TCF12: variants seen among roughly 807,000 people sequenced by gnomAD.
The protein encoded by TCF12 is transcription factor 12.
Under a neutral mutation model 86.0 loss-of-function variants are expected in TCF12, and 45 were observed. That is an observed-to-expected ratio of 0.52 (90% CI 0.41 to 0.67). TCF12 has a LOEUF of 0.67. Ranked by LOEUF, TCF12 falls within the 30% of genes least tolerant of loss-of-function variation. TCF12 has a pLI of 0.00. For missense variants in TCF12, 881 were observed against 859.9 expected (o/e 1.02, Z -0.31); for synonymous variants, 330 against 299.6 (o/e 1.10, Z -1.05).
intron 8 of TCF12, among the ~76,000 whole-genome samples, chr15:57,223,229 A>G (rs756397888): frequency 6.6e-6 from 1 of 152,006 alleles, no homozygotes; most frequent in East Asian, 1.9e-4. Flanking sequence ...ACCCAGGTCT[A>G]TCTGTCCCCC....
chr15:57,263,281 G>A lies in TCF12; in HGVS notation c.1745+7G>A. ...CATCTAGAGGCAGAACAAGGTATTT[G>A]TTAGCATCCAGGTTTTAAATTTTAT... On this transcript the variant is annotated splice_region_variant and intron_variant, in intron 18 of 20. Coordinates refer to ENST00000333725, the MANE Select transcript of TCF12 (RefSeq NM_207037.2). The A allele has an allele frequency of 6.3e-7, 1 of 1,599,212 alleles. No individual in the cohort carries two copies. Among genetic ancestry groups the A allele is most frequent in the Non-Finnish European group, 8.5e-7 (1 of 1,176,888 alleles).
At chr15:57,148,640 G>A (rs934947450) in intron 5 of TCF12, among the ~76,000 whole-genome samples, 1 of 151,602 alleles carries the variant, frequency 6.6e-6, no homozygotes, top group African/African-American at 2.4e-5. Flanking sequence ...CCAACACTTG[G>A]GAGGCTGAGG....
At chr15:57,228,142 C>T (rs2058973451) in intron 8 of TCF12, among the ~76,000 whole-genome samples, 2 of 152,042 alleles carry the variant, frequency 1.3e-5, no homozygotes, top group African/African-American at 4.8e-5. Context: ...TATTTCCCTA[C>T]ATCTGGAGTT....
At chr15:57,208,034 T>TC (rs2057918147) in intron 8 of TCF12, among the ~76,000 whole-genome samples, 1 of 55,658 alleles carries the variant, frequency 1.8e-5, no homozygotes, top group Non-Finnish European at 7.3e-5. Context: ...TTCAAGATTC[T>TC]TTTTTTTTTT....
chr15:57,042,349 G>A (rs1406140907), intron 3 of TCF12, among the ~76,000 whole-genome samples: 1 of 152,058 alleles, frequency 6.6e-6, no homozygotes, highest in Non-Finnish European at 1.5e-5. Flanking sequence ...TGTTCTTATG[G>A]AAATAAAAAG....
rs145698557 is a variant in TCF12 at position 57,039,992 on chromosome 15, C to T, written c.149-23758C>T. The stretch of plus-strand genomic sequence containing the variant: ...CTGCTTCAAAAATTATTTCAGGCCT[C>T]TCTTGATTAGCTTTTCCAGACTTCA... On this transcript the variant is annotated intron_variant, in intron 3 of 20. Transcript: ENST00000333725. Among the ~76,000 whole-genome samples the T allele has an allele frequency of 1.2e-3, 178 of 152,264 alleles. 1 individual carries two copies. The highest frequency in any genetic ancestry group is 4.0e-3 in the African/African-American group (168 of 41,558).
intron 5 of TCF12, among the ~76,000 whole-genome samples, chr15:57,105,205 A>C (rs1408139031): frequency 2.6e-5 from 4 of 151,842 alleles, no homozygotes; most frequent in African/African-American, 7.3e-5. Flanking sequence ...CCTAATGTGT[A>C]TATGCTGTTT....
rs190111405 is a variant in TCF12 at position 57,067,705 on chromosome 15, A to G, written c.222+3882A>G. Among the ~76,000 whole-genome samples, 11 of 152,264 alleles carry G rather than the reference A, an allele frequency of 7.2e-5. No homozygotes were observed. In the East Asian group the frequency reaches 2.1e-3, roughly 29 times the overall value. ...GTTCCTTCCTCTCTACTTTTGTTAG[A>G]GTCCTGGTTTCTGCACTCTTCATCT... On this transcript the variant is annotated intron_variant, in intron 4 of 20. Coordinates refer to ENST00000333725, the MANE Select transcript of TCF12 (RefSeq NM_207037.2).
chr15:57,108,500 T>A (rs1384782883), intron 5 of TCF12, among the ~76,000 whole-genome samples: 1 of 152,172 alleles, frequency 6.6e-6, no homozygotes, highest in Non-Finnish European at 1.5e-5. Flanking sequence ...ATGATTCTAC[T>A]TAGGAAACTC....
intron 3 of TCF12, among the ~76,000 whole-genome samples, chr15:57,003,386 G>A (rs117653273): frequency 0.014 from 2,106 of 152,208 alleles, 21 homozygotes; most frequent in Non-Finnish European, 0.02. Context: ...TTAACATTGA[G>A]CTCACAATCA....
At chr15:57,134,238 C>T (rs958181981) in intron 5 of TCF12, 4 of 152,096 alleles carry the variant, frequency 2.6e-5, no homozygotes, top group African/African-American at 7.2e-5. Context: ...CATCATCAAC[C>T]ACATTCATCA....
chr15:57,165,923 A>C (rs577692943), intron 5 of TCF12, among the ~76,000 whole-genome samples: 1 of 152,232 alleles, frequency 6.6e-6, no homozygotes, highest in African/African-American at 2.4e-5. Flanking sequence ...TAGTGGGTAC[A>C]TGTATCATAT....
Position 57,247,858 on chromosome 15 carries a change from A to G in TCF12, c.1115-3492A>G, listed in dbSNP as rs546861001. ...TTTTTTGGGGTCTCATTACCACACA[A>G]TCTGTGAGTGTGCCCCATTTCTCAA... On this transcript the variant is annotated intron_variant, in intron 13 of 20. Coordinates refer to ENST00000333725, the MANE Select transcript of TCF12 (RefSeq NM_207037.2). 1.2e-4 allele frequency: 94 copies of G among 758,638 alleles called. 1 individual carries two copies. Among genetic ancestry groups the G allele is most frequent in the South Asian group, 1.0e-3 (76 of 73,392 alleles). The allele number at this position is 758,638 out of a possible 1,614,324, so 47.0% of individuals were successfully genotyped here.
chr15:56,941,590 GTCTTT>G (rs749434356), intron 3 of TCF12, among the ~76,000 whole-genome samples: 3 of 151,884 alleles, frequency 2.0e-5, no homozygotes. Flanking sequence ...GGCCAGGCTG[GTCTTT>G]AACTCCTGAC....
At position 57,275,680 on chromosome 15, in the gene TCF12, C is replaced by G. The variant is rs1168848452; in HGVS notation, c.1978+2418C>G. Among the ~76,000 whole-genome samples, 3 of 152,116 alleles carry G rather than the reference C, an allele frequency of 2.0e-5. No homozygotes were observed. In the East Asian group the frequency reaches 5.8e-4, roughly 29 times the overall value. ...CTCCTTAGCAGTCCCTGATCCAACA[C>G]TTTCTATAAAAACAGCTTTTGTTTA... On this transcript the variant is annotated intron_variant, in intron 19 of 20. Transcript: ENST00000333725.
chr15:57,265,070 TAGTA>T (rs1232438485), intron 18 of TCF12, among the ~76,000 whole-genome samples: 3 of 4,964 alleles, frequency 6.0e-4, no homozygotes, highest in Non-Finnish European at 2.2e-3. Flanking sequence ...TAATGATAAA[TAGTA>T]TAGTATAGTA....
intron 3 of TCF12, among the ~76,000 whole-genome samples, chr15:57,012,757 C>T (rs116840306): frequency 0.011 from 1,661 of 152,246 alleles, 31 homozygotes; most frequent in African/African-American, 0.037. Context: ...TAATCTTGGG[C>T]AATCTGCTCA....
intron 8 of TCF12, among the ~76,000 whole-genome samples, chr15:57,208,814 G>A (rs1321715593): frequency 6.6e-6 from 1 of 151,572 alleles, no homozygotes; most frequent in East Asian, 1.9e-4. Context: ...CTCAAGCAGA[G>A]AGGCAGTCCT....
rs575607395 is a variant in TCF12 at position 57,289,439 on chromosome 15, T to G, written c.*3294T>G. On this transcript the variant is annotated 3_prime_UTR_variant, in exon 21 of 21. Transcript: ENST00000333725. The stretch of plus-strand genomic sequence containing the variant: ...TAACAGATCAAGACACTTAAAACTT[T>G]CCCTACAAAACCTCCCTGCCTTGAC... 6.6e-6 allele frequency: 1 copy of G among 152,316 alleles called. No homozygotes were observed. The highest frequency in any genetic ancestry group is 2.1e-4 in the South Asian group (1 of 4,818). The allele number at this position is 152,316 out of a possible 1,614,324, so 9.4% of individuals were successfully genotyped here. A position where few individuals can be genotyped will look rare whatever the true frequency, so the allele number is the denominator to read the frequency against.
Sources: gnomAD v4.1 joint callset for allele counts (sites outside exome capture counted in the v4.1 genomes callset) on GRCh38, gnomAD v4.1.1 for gene constraint, MANE v1.5 for transcripts, NCBI Gene and HGNC (gene_info 2026-07-23, HGNC 2026-07-21) for gene names.